Variants in MMUT observed in about 807,000 individuals in gnomAD.
MMUT encodes methylmalonyl-CoA mutase.
Under a neutral mutation model 79.9 loss-of-function variants are expected in MMUT, and 79 were observed. The ratio of observed to expected loss-of-function variants is 0.99; its 90% CI spans 0.82 to 1.19. The LOEUF is 1.19. MMUT is among the 50% of genes most tolerant of loss of function. The probability of loss-of-function intolerance (pLI) is 0.00; values close to 1 mark genes in which losing one functional copy is unlikely to be tolerated. For synonymous variants in MMUT, 273 were observed against 295.7 expected (o/e 0.92, Z 0.79); for missense variants, 860 against 917.2 (o/e 0.94, Z 0.81).
chr6:49,440,488 G>GTTT, intron 10 of MMUT, 135 bp from the exon 11 acceptor site: 3 of 850,150 alleles, frequency 3.5e-6, no homozygotes, highest in Non-Finnish European at 5.2e-6. Context: ...ATTTTGGGTT[G>GTTT]TTTTTTTTTT....
chr6:49,433,690 T>G (rs1011089866), intron 12 of MMUT, among the ~76,000 whole-genome samples: 2 of 152,202 alleles, frequency 1.3e-5, no homozygotes, highest in Non-Finnish European at 2.9e-5. Context: ...TTAATCAGAC[T>G]GCAGAAACTG....
chr6:49,459,841 T>G (rs937930575), intron 1 of MMUT, among the ~76,000 whole-genome samples: 1 of 152,216 alleles, frequency 6.6e-6, no homozygotes, highest in African/African-American at 2.4e-5. Flanking sequence ...TTTCAAAGAC[T>G]CTGTATCATG....
intron 7 of MMUT, among the ~76,000 whole-genome samples, chr6:49,448,519 C>T: frequency 6.6e-6 from 1 of 152,036 alleles, no homozygotes. Context: ...TACTCCAATG[C>T]AGAGAACACT....
Position 49,456,154 on chromosome 6 carries a change from A to G in MMUT, c.837T>C (p.Tyr279=), listed in dbSNP as rs2127419422. 3.1e-6 allele frequency: 5 copies of G among 1,611,718 alleles called. No individual in the cohort carries two copies. Among genetic ancestry groups the G allele is most frequent in the Non-Finnish European group, 4.2e-6 (5 of 1,177,846 alleles). ...AGADAILELA[Y]TLADGLEYSR... ...AGTACTCCAATCCATCTGCTAAAGT[A>G]TAGGCCAGCTCCAGAATGGCATCAG... Residue 279 remains tyrosine, a synonymous_variant, in exon 4 of 13, where the codon TAT becomes TAC. Transcript: ENST00000274813.
At chr6:49,447,853 G>A in intron 7 of MMUT, 68 bp from the exon 8 acceptor site, 1 of 870,838 alleles carries the variant, frequency 1.1e-6, no homozygotes, top group Non-Finnish European at 1.9e-6. Flanking sequence ...TGGTTATGAT[G>A]TATTTTCCTT....
rs2127414747 is a variant in MMUT at position 49,440,329 on chromosome 6, T to C, written c.1833A>G (p.Glu611=). Residue 611 remains glutamate, a synonymous_variant, in exon 11 of 13, where the codon GAA becomes GAG. Coordinates refer to ENST00000274813, the MANE Select transcript of MMUT (RefSeq NM_000255.4). The stretch of plus-strand genomic sequence containing the variant: ...CTACAAGAAGACGAGGTCTGCGACC[T>C]TCACGTTCCATGAATTTATGAACCC... ...IKRVHKFMER[E]GRRPRLLVAK... is the part of the protein sequence containing the mutation. 1.2e-6 allele frequency: 2 copies of C among 1,614,016 alleles called. No individual in the cohort carries two copies. Among genetic ancestry groups the C allele is most frequent in the African/African-American group, 1.3e-5 (1 of 75,034 alleles).
chr6:49,459,787 T>G (rs1356101605), intron 1 of MMUT, among the ~76,000 whole-genome samples: 2 of 152,180 alleles, frequency 1.3e-5, no homozygotes, highest in Non-Finnish European at 2.9e-5. Context: ...TTCCATACAA[T>G]GACATCAATG....
chr6:49,459,101 G>T lies in MMUT; in HGVS notation c.366C>A (p.Phe122Leu). 2 of 1,613,992 alleles carry T rather than the reference G, an allele frequency of 1.2e-6. No individual in the cohort carries two copies. Among genetic ancestry groups the T allele is most frequent in the Non-Finnish European group, 1.7e-6 (2 of 1,179,960 alleles). ...TCTCACCCTTAATGTTGTCCTTATA[G>T]AACTTATTGCTTTCTTCCACAGTAC... ...GFSTVEESNK[F>L]YKDNIKAGQQ... The change falls in exon 2 of 13, where the codon TTC becomes TTA. Residue 122 changes from phenylalanine to leucine, a missense_variant. By Grantham distance (22) the Phe-to-Leu change is conservative. Transcript: ENST00000274813.
rs376257828 is a variant in MMUT, at chr6:49,435,440, T to C, written c.2124+16A>G. ...GATTCCCATCACAGTACTAGAAAAA[T>C]AGAGATAAAAAATACCTGAGGTGGT... On this transcript the variant is annotated intron_variant, in intron 12 of 12. Coordinates refer to ENST00000274813, the MANE Select transcript of MMUT (RefSeq NM_000255.4). The C allele has an allele frequency of 1.7e-4, 268 of 1,606,622 alleles. No homozygotes were observed. Among genetic ancestry groups the C allele is most frequent in the Non-Finnish European group, 2.1e-4 (250 of 1,173,640 alleles).
intron 1 of MMUT, among the ~76,000 whole-genome samples, chr6:49,460,793 A>G (rs1767822084): frequency 6.6e-6 from 1 of 152,250 alleles, no homozygotes; most frequent in Non-Finnish European, 1.5e-5. Flanking sequence ...CTATCAGTTT[A>G]GTAAAGCTTA....
intron 11 of MMUT, among the ~76,000 whole-genome samples, chr6:49,437,176 T>C (rs1561951097): frequency 2.0e-5 from 3 of 152,198 alleles, no homozygotes; most frequent in Non-Finnish European, 4.4e-5. Context: ...TTAAATTTAA[T>C]ATTCATCGTT....
intron 6 of MMUT, 121 bp downstream of exon 6, chr6:49,451,345 C>A: frequency 8.7e-7 from 1 of 1,153,318 alleles, no homozygotes. Flanking sequence ...TTATATAAAT[C>A]TGTAAGTGAT....
chr6:49,434,862 T>C (rs1767082109), intron 12 of MMUT, among the ~76,000 whole-genome samples: 1 of 152,226 alleles, frequency 6.6e-6, no homozygotes, highest in African/African-American at 2.4e-5. Flanking sequence ...AGGATATTTT[T>C]GGCTCCCGAA....
chr6:49,448,988 A>G (rs1157777186), intron 6 of MMUT, 61 bp from the exon 7 acceptor site: 1 of 1,093,528 alleles, frequency 9.1e-7, no homozygotes, highest in Non-Finnish European at 1.4e-6. Context: ...TAAACTATAT[A>G]AATTTGTTAT....
chr6:49,441,833 A>T lies in MMUT; in HGVS notation c.1808+7T>A. 1 of 1,610,064 alleles carries T rather than the reference A, an allele frequency of 6.2e-7. No individual in the cohort carries two copies. Among genetic ancestry groups the T allele is most frequent in the Non-Finnish European group, 8.5e-7 (1 of 1,177,426 alleles). ...GAAATTCTGGCCTAAGAAACCTTAC[A>T]TATTACCTCTTGATAGCAGATGTTA... On this transcript the variant is annotated splice_region_variant and intron_variant, in intron 10 of 12. Transcript: ENST00000274813.
chr6:49,439,800 C>A (rs898250987), intron 11 of MMUT, among the ~76,000 whole-genome samples: 2 of 152,172 alleles, frequency 1.3e-5, no homozygotes. Flanking sequence ...ATTTCCCATC[C>A]TCTGGCATGC....
At chr6:49,439,421 G>T (rs757393421) in intron 11 of MMUT, among the ~76,000 whole-genome samples, 5 of 152,100 alleles carry the variant, frequency 3.3e-5, no homozygotes, top group Non-Finnish European at 5.9e-5. Context: ...ATTGCTATCT[G>T]CCACTGACAC....
rs756073255 is a variant in MMUT, at chr6:49,459,245, G to A, written c.222C>T (p.Ser74=). The A allele has an allele frequency of 6.2e-7, 1 of 1,614,102 alleles. No homozygotes were observed. The highest frequency in any genetic ancestry group is 8.5e-7 in the Non-Finnish European group (1 of 1,180,018). Residue 74 remains serine, a synonymous_variant, in exon 2 of 13, where the codon TCC becomes TCT. Transcript: ENST00000274813. ...CAGGTAAGTCCATAGTATCTCTCTTGGAATACAAGGGTTTTATAGAGATCC... is the reference window on the plus strand; with the variant it reads ...CAGGTAAGTCCATAGTATCTCTCTTAGAATACAAGGGTTTTATAGAGATCC... ...PEGISIKPLY[S]KRDTMDLPEE...
intron 5 of MMUT, among the ~76,000 whole-genome samples, chr6:49,453,039 G>GTA (rs1554160134): frequency 8.6e-6 from 1 of 116,192 alleles, no homozygotes; most frequent in East Asian, 2.5e-4. Context: ...TTCTTTCTTT[G>GTA]TTTTTTTTTT....
Sources: allele counts gnomAD v4.1 joint callset (sites outside exome capture counted in the v4.1 genomes callset), GRCh38; gene constraint gnomAD v4.1.1; transcripts MANE v1.5; gene names NCBI Gene and HGNC (gene_info 2026-07-23, HGNC 2026-07-21).